Variants in ROR1 observed in about 807,000 individuals in gnomAD.
ROR1 encodes ROR family WNT receptor 1, also known as inactive tyrosine-protein kinase transmembrane receptor ROR1.
In ROR1, 19 loss-of-function variants were observed where a neutral mutation model predicts 78.8. The ratio of observed to expected loss-of-function variants is 0.24; its 90% confidence interval spans 0.17 to 0.35. ROR1 has a LOEUF of 0.35. Among genes scored for constraint, ROR1 ranks in the 10% least tolerant of loss-of-function variants. ROR1 has a pLI of 1.00. For missense variants in ROR1, 917 were observed against 1,177.8 expected (o/e 0.78, Z 3.24); for synonymous variants, 386 against 433.6 (o/e 0.89, Z 1.36).
chr1:63,908,991 A>C (rs1431590713), intron 1 of ROR1, among the ~76,000 whole-genome samples: 1 of 152,172 alleles, frequency 6.6e-6, no homozygotes, highest in Non-Finnish European at 1.5e-5. Context: ...CCAAGGGGAG[A>C]TAGAAGCGCA....
At chr1:64,171,162 A>G (rs1650230011) in intron 8 of ROR1, 1 of 172,338 alleles carries the variant, frequency 5.8e-6, no homozygotes, top group South Asian at 1.6e-4. Context: ...CACTGCTGAT[A>G]AAGACACACC....
At position 64,178,903 on chromosome 1, in the gene ROR1, G is replaced by A. The variant is rs373294536; in HGVS notation, c.*48G>A. 2.8e-5 allele frequency: 39 copies of A among 1,377,822 alleles called. No homozygotes were observed. Among genetic ancestry groups the A allele is most frequent in the Admixed American group, 4.3e-5 (2 of 46,618 alleles). The allele number at this position is 1,377,822 out of a possible 1,614,324, so 85.3% of individuals were successfully genotyped here. ...GGTATACAGGACAAACTAGACGGCC[G>A]TAGAAAAGATTTATATTCAAATGTT... On this transcript the variant is annotated 3_prime_UTR_variant, in exon 9 of 9. Coordinates refer to ENST00000371079, the MANE Select transcript of ROR1 (RefSeq NM_005012.4). The surrounding 1 kb of genome is among the most constrained non-coding windows in gnomAD (Gnocchi z 4.3).
chr1:63,823,535 A>C (rs900856264), intron 1 of ROR1, among the ~76,000 whole-genome samples: 5 of 139,656 alleles, frequency 3.6e-5, no homozygotes, highest in Admixed American at 3.2e-4. Context: ...TTGTAACCTC[A>C]GACTTCTGGG....
chr1:63,897,302 G>A (rs951228891), intron 1 of ROR1, among the ~76,000 whole-genome samples: 1 of 152,218 alleles, frequency 6.6e-6, no homozygotes, highest in African/African-American at 2.4e-5. Flanking sequence ...GACTGTTTTA[G>A]TCAACATTTA....
chr1:64,108,346 G>A (rs1236125339), intron 4 of ROR1: 8 of 128,180 alleles, frequency 6.2e-5, no homozygotes, highest in Middle Eastern at 5.2e-3. Flanking sequence ...GCAGTGAGCC[G>A]AGATCACACC....
At chr1:64,092,862 A>T (rs1354116980) in intron 4 of ROR1, among the ~76,000 whole-genome samples, 13 of 152,152 alleles carry the variant, frequency 8.5e-5, no homozygotes, top group Admixed American at 8.5e-4. Flanking sequence ...CTTCCTACCT[A>T]GCTCAACAGA....
chr1:63,996,372 T>C (rs1646337008), intron 1 of ROR1, among the ~76,000 whole-genome samples: 2 of 152,230 alleles, frequency 1.3e-5, no homozygotes, highest in South Asian at 4.2e-4. Flanking sequence ...ATTATTGATC[T>C]CCCCAGGCTA....
intron 1 of ROR1, among the ~76,000 whole-genome samples, chr1:63,881,261 T>C (rs912351134): frequency 6.6e-6 from 1 of 152,104 alleles, no homozygotes; most frequent in South Asian, 2.1e-4. Context: ...CTCTGAAGAG[T>C]GTTCCATGGG....
intron 1 of ROR1, among the ~76,000 whole-genome samples, chr1:63,886,350 C>A (rs1645357273): frequency 6.6e-6 from 1 of 152,170 alleles, no homozygotes; most frequent in African/African-American, 2.4e-5. Context: ...GGGCTGCATT[C>A]TTTTTTGGAA....
chr1:63,785,427 A>C (rs535473086), intron 1 of ROR1, among the ~76,000 whole-genome samples: 63 of 152,144 alleles, frequency 4.1e-4, no homozygotes, highest in African/African-American at 1.3e-3. Context: ...TTTCAGTCCC[A>C]AGATATTGCC....
chr1:64,160,203 A>T (rs1649899256), intron 8 of ROR1, among the ~76,000 whole-genome samples: 1 of 152,152 alleles, frequency 6.6e-6, no homozygotes, highest in African/African-American at 2.4e-5. Flanking sequence ...TAGGAAAAAA[A>T]AGTCTTCACA....
At chr1:64,039,234 AG>A (rs2100579433) in intron 2 of ROR1, among the ~76,000 whole-genome samples, 1 of 152,326 alleles carries the variant, frequency 6.6e-6, no homozygotes, top group African/African-American at 2.4e-5. Context: ...TGCTCCTTGA[AG>A]TTTACATTCT....
intron 1 of ROR1, among the ~76,000 whole-genome samples, chr1:63,939,835 C>G (rs1645822203): frequency 6.6e-6 from 1 of 152,172 alleles, no homozygotes; most frequent in Non-Finnish European, 1.5e-5. Context: ...TTTCCTAAAC[C>G]TGTCACCACA....
At chr1:64,006,282 G>A (rs142349701) in intron 1 of ROR1, among the ~76,000 whole-genome samples, 154 of 152,246 alleles carry the variant, frequency 1.0e-3, no homozygotes, top group Non-Finnish European at 1.8e-3. Flanking sequence ...CTGAAATGCC[G>A]CCTTGGCTGC....
intron 1 of ROR1, among the ~76,000 whole-genome samples, chr1:64,000,453 G>A (rs891932879): frequency 2.2e-4 from 34 of 152,172 alleles, no homozygotes; most frequent in African/African-American, 8.2e-4. Context: ...GAATGAGGGA[G>A]TGTTAACTTT....
chr1:63,825,636 CTGTACACTAAA>C (rs1356840810), intron 1 of ROR1, among the ~76,000 whole-genome samples: 1 of 152,178 alleles, frequency 6.6e-6, no homozygotes, highest in Non-Finnish European at 1.5e-5. Flanking sequence ...AATTATTGAA[CTGTACACTAAA>C]TGGGTGAATG....
At chr1:63,869,038 A>G (rs564010492) in intron 1 of ROR1, among the ~76,000 whole-genome samples, 32 of 152,230 alleles carry the variant, frequency 2.1e-4, no homozygotes, top group Admixed American at 1.3e-4. Flanking sequence ...AACAGCATCT[A>G]TTAAGTGATT....
chr1:64,159,665 T>C (rs1416297633), intron 8 of ROR1, among the ~76,000 whole-genome samples: 1 of 138,650 alleles, frequency 7.2e-6, no homozygotes. Flanking sequence ...TAGTAAATTT[T>C]GTTGTGTTTT....
chr1:63,859,938 G>C (rs948222174), intron 1 of ROR1, among the ~76,000 whole-genome samples: 2 of 152,190 alleles, frequency 1.3e-5, no homozygotes, highest in Non-Finnish European at 2.9e-5. Flanking sequence ...AAACAGCCCT[G>C]TGAGGTGTGT....
Sources: allele counts gnomAD v4.1 joint callset (sites outside exome capture counted in the v4.1 genomes callset), GRCh38; gene constraint gnomAD v4.1.1; non-coding constraint Gnocchi (gnomAD v3.1); transcripts MANE v1.5; gene names NCBI Gene and HGNC (gene_info 2026-07-23, HGNC 2026-07-21).